The following ATP8A2 variants were observed in gnomAD, a reference collection of about 807,000 sequenced individuals.
ATP8A2 encodes the protein ATPase phospholipid transporting 8A2, also known as phospholipid-transporting ATPase IB.
Under a neutral mutation model 165.6 loss-of-function variants are expected in ATP8A2, and 100 were observed. The ratio of observed to expected loss-of-function variants is 0.60; its 90% CI spans 0.51 to 0.71. The LOEUF is 0.71. Among genes scored for constraint, ATP8A2 ranks in the 30% least tolerant of loss-of-function variants. ATP8A2 has a pLI of 0.00. For synonymous variants in ATP8A2, 543 were observed against 548.8 expected (o/e 0.99, Z 0.15); for missense variants, 1,227 against 1,479.5 (o/e 0.83, Z 2.80).
chr13:25,468,635 C>T (rs1030469791), intron 1 of ATP8A2, among the ~76,000 whole-genome samples: 3 of 152,148 alleles, frequency 2.0e-5, no homozygotes, highest in Admixed American at 2.0e-4. Context: ...CGCGGTCGCC[C>T]ACCCCGGCCC....
At chr13:25,490,282 G>T (rs1277435385) in intron 2 of ATP8A2, among the ~76,000 whole-genome samples, 1 of 152,240 alleles carries the variant, frequency 6.6e-6, no homozygotes. Context: ...CGTAAGGTGG[G>T]TGCTTCACTC....
chr13:25,525,626 G>T (rs1293748969), intron 2 of ATP8A2, among the ~76,000 whole-genome samples: 1 of 151,996 alleles, frequency 6.6e-6, no homozygotes, highest in Non-Finnish European at 1.5e-5. Flanking sequence ...TGAAAATTTT[G>T]TTCCACTCCC....
At chr13:25,837,430 CA>C (rs1951644038) in intron 29 of ATP8A2, 145 bp downstream of exon 29, 2 of 135,894 alleles carry the variant, frequency 1.5e-5, no homozygotes, top group Non-Finnish European at 2.5e-5. Flanking sequence ...CCACCACACA[CA>C]CACACACACA....
intron 35 of ATP8A2, among the ~76,000 whole-genome samples, chr13:25,997,748 T>C (rs1956542490): frequency 1.3e-5 from 2 of 152,228 alleles, no homozygotes; most frequent in South Asian, 4.1e-4. Context: ...TCAGTTGTTA[T>C]ATTTTTCCGT....
chr13:25,787,448 C>T (rs751567454), intron 27 of ATP8A2, among the ~76,000 whole-genome samples: 1 of 152,160 alleles, frequency 6.6e-6, no homozygotes, highest in Non-Finnish European at 1.5e-5. Context: ...ACAGTTTATT[C>T]ATTCACCTGT....
At chr13:25,551,701 T>C (rs1318748476) in intron 11 of ATP8A2, among the ~76,000 whole-genome samples, 198 bp downstream of exon 11, 1 of 152,218 alleles carries the variant, frequency 6.6e-6, no homozygotes, top group Non-Finnish European at 1.5e-5. Flanking sequence ...ACTTGTCTTA[T>C]ACTCAAATGG....
At chr13:25,489,820 T>C (rs1207025885) in intron 2 of ATP8A2, among the ~76,000 whole-genome samples, 2 of 152,216 alleles carry the variant, frequency 1.3e-5, no homozygotes, top group East Asian at 3.8e-4. Flanking sequence ...TGTACTTTCA[T>C]ATATAAACTA....
At chr13:25,529,935 C>A in intron 2 of ATP8A2, 64 bp from the exon 3 acceptor site, 2 of 893,700 alleles carry the variant, frequency 2.2e-6, no homozygotes, top group South Asian at 1.6e-5. Context: ...AACTTCTTGT[C>A]CTGTTCTTGT....
At chr13:25,594,605 G>C (rs1439428598) in intron 24 of ATP8A2, among the ~76,000 whole-genome samples, 1 of 151,976 alleles carries the variant, frequency 6.6e-6, no homozygotes, top group African/African-American at 2.4e-5. Context: ...AGTCCATCGT[G>C]TCATTCTTAT....
intron 35 of ATP8A2, among the ~76,000 whole-genome samples, chr13:26,010,006 C>T (rs1277440928): frequency 6.6e-6 from 1 of 152,254 alleles, no homozygotes; most frequent in Non-Finnish European, 1.5e-5. Context: ...GCAGAGGCTG[C>T]AGTGAGCCGA....
At chr13:25,640,895 G>A (rs1039748618) in intron 24 of ATP8A2, among the ~76,000 whole-genome samples, 2 of 152,158 alleles carry the variant, frequency 1.3e-5, no homozygotes, top group Non-Finnish European at 2.9e-5. Flanking sequence ...ACCTGAAAAA[G>A]CTTATCCACC....
At chr13:25,533,151 T>C (rs1381430811) in intron 5 of ATP8A2, 122 bp from the exon 6 acceptor site, 3 of 659,516 alleles carry the variant, frequency 4.5e-6, no homozygotes, top group Non-Finnish European at 8.1e-6. Context: ...TATGCCATCA[T>C]GGCTAAAGAT....
intron 33 of ATP8A2, among the ~76,000 whole-genome samples, chr13:25,911,608 G>C (rs1011293129): frequency 1.3e-5 from 2 of 152,180 alleles, no homozygotes; most frequent in Non-Finnish European, 2.9e-5. Context: ...TGGCAGCTTC[G>C]AACTCATATG....
intron 24 of ATP8A2, among the ~76,000 whole-genome samples, chr13:25,654,792 G>T (rs149862345): frequency 6.6e-6 from 1 of 152,122 alleles, no homozygotes; most frequent in Non-Finnish European, 1.5e-5. Context: ...TGTGTGTGAC[G>T]CTGTGCAGGT....
At chr13:25,665,645 T>C (rs2042137955) in intron 24 of ATP8A2, among the ~76,000 whole-genome samples, 1 of 145,080 alleles carries the variant, frequency 6.9e-6, no homozygotes, top group Non-Finnish European at 1.5e-5. Flanking sequence ...TGTCTTAAAT[T>C]CCAGAAACCA....
chr13:25,823,624 A>AT (rs879832471), intron 27 of ATP8A2, among the ~76,000 whole-genome samples: 95 of 152,024 alleles, frequency 6.2e-4, no homozygotes, highest in Non-Finnish European at 1.2e-3. Context: ...AGACTTCTTG[A>AT]TTTTTTTCTC....
intron 24 of ATP8A2, among the ~76,000 whole-genome samples, chr13:25,629,033 A>T (rs117355522): frequency 1.3e-5 from 2 of 152,242 alleles, no homozygotes; most frequent in South Asian, 2.1e-4. Flanking sequence ...TATGAGACTA[A>T]TAGGTCTGTT....
intron 28 of ATP8A2, among the ~76,000 whole-genome samples, chr13:25,829,714 ATATAT>A (rs1243184646): frequency 1.0e-4 from 9 of 89,996 alleles, no homozygotes; most frequent in Non-Finnish European, 1.8e-4. Flanking sequence ...ATATATATAT[ATATAT>A]ATCACCTGCT....
At chr13:25,624,855 A>C (rs1380365501) in intron 24 of ATP8A2, among the ~76,000 whole-genome samples, 1 of 152,196 alleles carries the variant, frequency 6.6e-6, no homozygotes, top group East Asian at 1.9e-4. Context: ...AAGTTTAACA[A>C]GATTATCATT....
Sources: allele counts gnomAD v4.1 joint callset (sites outside exome capture counted in the v4.1 genomes callset), GRCh38; gene constraint gnomAD v4.1.1; transcripts MANE v1.5; gene names NCBI Gene and HGNC (gene_info 2026-07-23, HGNC 2026-07-21).